Variants in RIMS2 observed in about 807,000 individuals in gnomAD.
RIMS2 encodes the protein regulating synaptic membrane exocytosis 2, also known as regulating synaptic membrane exocytosis protein 2.
RIMS2 carries 59 observed loss-of-function variants against 174.4 expected under a neutral mutation model. That is an observed-to-expected ratio of 0.34 (90% CI 0.27 to 0.42). RIMS2 has a LOEUF of 0.42. RIMS2 is among the 10% of genes least tolerant of loss of function. The pLI is 1.00. For synonymous variants in RIMS2, 606 were observed against 572.5 expected, an observed-to-expected ratio of 1.06 and a Z score of -0.84; for missense variants, 1,620 against 1,666.3, an observed-to-expected ratio of 0.97 and a Z score of 0.48.
At chr8:104,117,674 T>C (rs1390767560) in intron 19 of RIMS2, among the ~76,000 whole-genome samples, 1 of 152,184 alleles carries the variant, frequency 6.6e-6, no homozygotes, top group East Asian at 1.9e-4. Flanking sequence ...CCAGGGAATG[T>C]AATTGTGGGC....
intron 19 of RIMS2, among the ~76,000 whole-genome samples, chr8:104,072,443 T>C (rs1340868163): frequency 6.6e-6 from 1 of 152,148 alleles, no homozygotes; most frequent in African/African-American, 2.4e-5. Context: ...GGAACTAAGA[T>C]ATAGAAAGGT....
chr8:103,706,906 A>G (rs1243697103), intron 2 of RIMS2, among the ~76,000 whole-genome samples: 1 of 152,072 alleles, frequency 6.6e-6, no homozygotes, highest in Non-Finnish European at 1.5e-5. Flanking sequence ...CCTCCTCTAC[A>G]AGGCCAATAA....
At chr8:103,905,775 C>CTT (rs60157494) in intron 4 of RIMS2, among the ~76,000 whole-genome samples, 4,056 of 121,950 alleles carry the variant, frequency 0.033, 206 homozygotes, top group African/African-American at 0.11. Flanking sequence ...ATTTTCTTTT[C>CTT]TTTTTTTTTT....
Position 103,634,726 on chromosome 8 carries a change from A to G in RIMS2, c.177-62360A>G, listed in dbSNP as rs554697437. 4.6e-5 allele frequency among the ~76,000 whole-genome samples: 7 copies of G among 152,312 alleles called. 1 individual carries two copies. The highest frequency in any genetic ancestry group is 1.4e-4 in the African/African-American group (6 of 41,572). On this transcript the variant is annotated intron_variant, in intron 1 of 23. Coordinates refer to ENST00000504942, the Ensembl canonical transcript of RIMS2. ...TGTGTTGGGTGCATACGTATTTACA[A>G]TAGTTAGGTCTTCTTGTTGAATTGA...
chr8:103,984,470 T>A (rs2094188936), intron 16 of RIMS2, among the ~76,000 whole-genome samples: 1 of 152,190 alleles, frequency 6.6e-6, no homozygotes, highest in Admixed American at 6.5e-5. Context: ...ACATCATTGA[T>A]CATCAGAGAA....
At chr8:104,171,395 CTCT>C (rs995422783) in intron 19 of RIMS2, among the ~76,000 whole-genome samples, 8 of 151,618 alleles carry the variant, frequency 5.3e-5, no homozygotes, top group African/African-American at 1.9e-4. Flanking sequence ...TGTCTTTGAG[CTCT>C]GGAATTCTTT....
At chr8:103,830,031 G>C (rs2098815982) in intron 3 of RIMS2, among the ~76,000 whole-genome samples, 1 of 151,976 alleles carries the variant, frequency 6.6e-6, no homozygotes. Context: ...CTAATTTGTT[G>C]TTATAAATTT....
At chr8:104,056,091 T>C (rs914623383) in intron 19 of RIMS2, among the ~76,000 whole-genome samples, 3 of 152,064 alleles carry the variant, frequency 2.0e-5, no homozygotes, top group Non-Finnish European at 2.9e-5. Context: ...AAAAAACACT[T>C]AAACATCATT....
At chr8:103,759,198 C>T (rs1005459338) in intron 2 of RIMS2, among the ~76,000 whole-genome samples, 1 of 152,118 alleles carries the variant, frequency 6.6e-6, no homozygotes. Context: ...AAGGGAATCA[C>T]CCTTCGGGAT....
chr8:103,759,920 T>C (rs1462015749), intron 2 of RIMS2, among the ~76,000 whole-genome samples: 1 of 152,154 alleles, frequency 6.6e-6, no homozygotes, highest in Non-Finnish European at 1.5e-5. Context: ...ACAGAACACC[T>C]GAATACTTTC....
chr8:103,837,084 T>C (rs2098900504), intron 3 of RIMS2, among the ~76,000 whole-genome samples: 1 of 152,256 alleles, frequency 6.6e-6, no homozygotes, highest in Non-Finnish European at 1.5e-5. Flanking sequence ...AGTTGTCTAT[T>C]GTTGTCTAAT....
At chr8:104,157,109 C>T (rs1307093253) in intron 19 of RIMS2, among the ~76,000 whole-genome samples, 2 of 152,042 alleles carry the variant, frequency 1.3e-5, no homozygotes, top group Non-Finnish European at 2.9e-5. Flanking sequence ...TAATATTATC[C>T]TTCATTATTT....
intron 17 of RIMS2, 134 bp downstream of exon 19, chr8:103,989,555 C>A: frequency 1.8e-6 from 1 of 542,800 alleles, no homozygotes. Flanking sequence ...ACAACGCTTA[C>A]ATTATTTCTT....
At chr8:104,241,408 T>C (rs2099293880) in intron 19 of RIMS2, among the ~76,000 whole-genome samples, 1 of 152,192 alleles carries the variant, frequency 6.6e-6, no homozygotes. Context: ...AAAAATTACA[T>C]GCTTATCATA....
At chr8:103,774,722 T>G (rs77522701) in intron 3 of RIMS2, among the ~76,000 whole-genome samples, 4,725 of 152,248 alleles carry the variant, frequency 0.031, 222 homozygotes, top group African/African-American at 0.1. Context: ...CAAGAAGAGA[T>G]AAAACAAATC....
Position 104,014,432 on chromosome 8 carries a change from A to G in RIMS2, c.3225-74A>G, listed in dbSNP as rs2095847500. 5 of 816,774 alleles carry G rather than the reference A, an allele frequency of 6.1e-6. No homozygotes were observed. The South Asian group carries it at 6.8e-5, about 11-fold the overall frequency. The allele number at this position is 816,774 out of a possible 1,614,324, so 50.6% of individuals were successfully genotyped here. A position where few individuals can be genotyped will look rare whatever the true frequency, so the allele number is the denominator to read the frequency against. ...TTTAAATTGTATTTATACAGCTATC[A>G]TATGAACCAAATGTAGGTATTAAAA... On this transcript the variant is annotated intron_variant, in intron 18 of 23. Transcript: ENST00000504942.
At chr8:103,879,901 A>T (rs2099159314) in intron 3 of RIMS2, among the ~76,000 whole-genome samples, 4 of 151,514 alleles carry the variant, frequency 2.6e-5, no homozygotes, top group African/African-American at 9.7e-5. Flanking sequence ...ATTCTTTTTA[A>T]TTTTTTTTAA....
intron 15 of RIMS2, among the ~76,000 whole-genome samples, chr8:103,975,026 A>T (rs928581834): frequency 2.6e-5 from 4 of 152,316 alleles, no homozygotes; most frequent in Middle Eastern, 3.4e-3. Context: ...AAGAGATGAA[A>T]ATATTTTTAG....
At chr8:103,867,229 C>G (rs1439853561) in intron 3 of RIMS2, among the ~76,000 whole-genome samples, 1 of 151,712 alleles carries the variant, frequency 6.6e-6, no homozygotes, top group African/African-American at 2.4e-5. Flanking sequence ...TTAAGATTGT[C>G]TACATTCTTA....
Sources: allele counts gnomAD v4.1 joint callset (sites outside exome capture counted in the v4.1 genomes callset), GRCh38; gene constraint gnomAD v4.1.1; transcripts MANE v1.5; gene names NCBI Gene and HGNC (gene_info 2026-07-23, HGNC 2026-07-21).